ANGPT1: variants seen among roughly 807,000 people sequenced by gnomAD.
ANGPT1 encodes angiopoietin 1.
A neutral mutation model predicts 62.2 loss-of-function variants in ANGPT1; 17 were observed. The ratio of observed to expected loss-of-function variants is 0.27; its 90% CI spans 0.19 to 0.41. The LOEUF is 0.41. ANGPT1 is among the 10% of genes least tolerant of loss of function. The pLI, the probability that ANGPT1 is intolerant of heterozygous loss-of-function variation, is 1.00. For synonymous variants in ANGPT1, 199 were observed against 198.9 expected (o/e 1.00, Z 0.00); for missense variants, 478 against 594.9 (o/e 0.80, Z 2.04).
intron 1 of ANGPT1, among the ~76,000 whole-genome samples, chr8:107,486,411 A>T (rs1305623905): frequency 6.6e-6 from 1 of 152,196 alleles, no homozygotes; most frequent in Non-Finnish European, 1.5e-5. Context: ...CAATTATAAC[A>T]CTATCTACCT....
chr8:107,290,486 A>C (rs575186166), intron 6 of ANGPT1, among the ~76,000 whole-genome samples: 1 of 152,180 alleles, frequency 6.6e-6, no homozygotes, highest in Non-Finnish European at 1.5e-5. Context: ...GGTGTGATTG[A>C]TAAGAACTGG....
At chr8:107,480,987 T>C (rs1586358966) in intron 1 of ANGPT1, among the ~76,000 whole-genome samples, 1 of 152,194 alleles carries the variant, frequency 6.6e-6, no homozygotes, top group South Asian at 2.1e-4. Context: ...ATTTTATTTG[T>C]TGACTTTCTG....
intron 1 of ANGPT1, among the ~76,000 whole-genome samples, chr8:107,448,190 A>C (rs1339756302): frequency 6.6e-6 from 1 of 152,198 alleles, no homozygotes; most frequent in Non-Finnish European, 1.5e-5. Context: ...ATTACATATA[A>C]GGACTTACTT....
At chr8:107,406,832 T>A (rs1817158181) in intron 1 of ANGPT1, among the ~76,000 whole-genome samples, 1 of 151,640 alleles carries the variant, frequency 6.6e-6, no homozygotes, top group Non-Finnish European at 1.5e-5. Flanking sequence ...TCATCATGAA[T>A]GTTAAATAAT....
chr8:107,481,077 A>T (rs1812664394), intron 1 of ANGPT1, among the ~76,000 whole-genome samples: 1 of 152,204 alleles, frequency 6.6e-6, no homozygotes, highest in African/African-American at 2.4e-5. Context: ...GGAAACATCC[A>T]GAGAAACTTC....
At chr8:107,333,920 GAGAA>G (rs139390488) in intron 3 of ANGPT1, among the ~76,000 whole-genome samples, 2,131 of 138,142 alleles carry the variant, frequency 0.015, 53 homozygotes, top group African/African-American at 0.049. Flanking sequence ...AAGAAATAAA[GAGAA>G]AGAAAGAAAG....
At chr8:107,382,939 A>T (rs1292047471) in intron 1 of ANGPT1, among the ~76,000 whole-genome samples, 1 of 152,220 alleles carries the variant, frequency 6.6e-6, no homozygotes, top group Non-Finnish European at 1.5e-5. Context: ...GGTTGGTTAT[A>T]TCTTAAAAAT....
chr8:107,336,507 T>C, intron 2 of ANGPT1: 1 of 434,962 alleles, frequency 2.3e-6, no homozygotes, highest in Non-Finnish European at 3.4e-6. Context: ...CTACTAAAAA[T>C]ACAAAAACTT....
At chr8:107,338,476 G>C (rs1815622318) in intron 2 of ANGPT1, among the ~76,000 whole-genome samples, 1 of 152,206 alleles carries the variant, frequency 6.6e-6, no homozygotes, top group African/African-American at 2.4e-5. Flanking sequence ...AGGGGATGGG[G>C]CAGAGAATGG....
intron 1 of ANGPT1, among the ~76,000 whole-genome samples, chr8:107,429,911 A>G (rs1811136339): frequency 6.7e-6 from 1 of 149,212 alleles, no homozygotes; most frequent in South Asian, 2.1e-4. Context: ...AAAGGTAACA[A>G]AAAGAATCAC....
At chr8:107,366,993 C>CT (rs1474116238) in intron 1 of ANGPT1, among the ~76,000 whole-genome samples, 4 of 152,048 alleles carry the variant, frequency 2.6e-5, no homozygotes. Flanking sequence ...CCAACAACAA[C>CT]GGGGGAATAG....
chr8:107,424,193 C>A (rs1198049101), intron 1 of ANGPT1, among the ~76,000 whole-genome samples: 1 of 151,828 alleles, frequency 6.6e-6, no homozygotes, highest in Non-Finnish European at 1.5e-5. Context: ...ACAACACAAC[C>A]AAATAATGGC....
At chr8:107,486,877 C>A (rs1812828911) in intron 1 of ANGPT1, among the ~76,000 whole-genome samples, 1 of 152,160 alleles carries the variant, frequency 6.6e-6, no homozygotes, top group Non-Finnish European at 1.5e-5. Flanking sequence ...TTCTCAACAA[C>A]AGGGGTTTTA....
chr8:107,401,678 T>G (rs1482668951), intron 1 of ANGPT1, among the ~76,000 whole-genome samples: 2 of 152,248 alleles, frequency 1.3e-5, no homozygotes, highest in Non-Finnish European at 2.9e-5. Flanking sequence ...GATGCAGGAT[T>G]ATTTTATTTG....
intron 1 of ANGPT1, among the ~76,000 whole-genome samples, chr8:107,370,444 A>G (rs1165725034): frequency 6.6e-6 from 1 of 151,486 alleles, no homozygotes; most frequent in Non-Finnish European, 1.5e-5. Flanking sequence ...TAATCCTAAC[A>G]CCTTGGGAGG....
intron 5 of ANGPT1, among the ~76,000 whole-genome samples, chr8:107,297,153 C>T (rs868505262): frequency 6.6e-6 from 1 of 151,838 alleles, no homozygotes; most frequent in African/African-American, 2.4e-5. Flanking sequence ...TATAAATTAC[C>T]CAGGCAGATT....
At chr8:107,398,801 A>C (rs1816987346) in intron 1 of ANGPT1, among the ~76,000 whole-genome samples, 1 of 152,198 alleles carries the variant, frequency 6.6e-6, no homozygotes, top group Admixed American at 6.5e-5. Context: ...TACCTTTCAG[A>C]GAAAGAGTAA....
intron 1 of ANGPT1, among the ~76,000 whole-genome samples, chr8:107,451,168 C>G (rs966575124): frequency 6.6e-6 from 1 of 151,740 alleles, no homozygotes; most frequent in African/African-American, 2.4e-5. Flanking sequence ...TTAACTCTTT[C>G]CTACCATCTG....
At chr8:107,481,100 C>G (rs767237878) in intron 1 of ANGPT1, among the ~76,000 whole-genome samples, 27 of 152,192 alleles carry the variant, frequency 1.8e-4, no homozygotes, top group Non-Finnish European at 3.2e-4. Context: ...CAGAGTCCTT[C>G]TTCACAACCA....
Sources: allele counts gnomAD v4.1 joint callset (sites outside exome capture counted in the v4.1 genomes callset), GRCh38; gene constraint gnomAD v4.1.1; transcripts MANE v1.5; gene names NCBI Gene and HGNC (gene_info 2026-07-23, HGNC 2026-07-21).